Variants in OTUD4 observed in about 807,000 individuals in gnomAD.
OTUD4 encodes OTU domain-containing protein 4.
OTUD4 carries 24 observed loss-of-function variants against 130.4 expected under a neutral mutation model. The ratio of observed to expected loss-of-function variants is 0.18; its 90% confidence interval spans 0.13 to 0.26. The LOEUF (loss-of-function observed/expected upper bound fraction) is 0.26, where lower values mean the gene tolerates loss of function less well. OTUD4 is among the 10% of genes least tolerant of loss of function. The pLI is 1.00. For synonymous variants in OTUD4, 420 were observed against 472.5 expected (o/e 0.89, Z 1.44); for missense variants, 1,031 against 1,329.4 (o/e 0.78, Z 3.49).
intron 1 of OTUD4, chr4:145,179,560 G>A (rs1263617605): frequency 7.8e-7 from 1 of 1,283,360 alleles, no homozygotes; most frequent in Admixed American, 4.0e-5. Context: ...GGCCTCACAA[G>A]TTGTCCTCAA....
At chr4:145,170,214 A>T (rs1326392628) in intron 3 of OTUD4, among the ~76,000 whole-genome samples, 1 of 152,210 alleles carries the variant, frequency 6.6e-6, no homozygotes, top group Non-Finnish European at 1.5e-5. Flanking sequence ...TGATACAGAT[A>T]ACCTACAGAT....
rs1288489404 is a variant in OTUD4, at chr4:145,171,423, ATAC to A, written c.294+244_294+246del. ...CACCCCAGTATTATTTCAGATTTTT[ATAC>A]TACATTTACATGCCATTATAGCCAA... On this transcript the variant is annotated intron_variant, in intron 3 of 20. Coordinates refer to ENST00000447906, the MANE Select transcript of OTUD4 (RefSeq NM_001366057.1). The A allele has an allele frequency of 5.2e-5, 19 of 365,916 alleles. No homozygotes were observed. The East Asian group carries it at 7.6e-4, about 15-fold the overall frequency. The allele number at this position is 365,916 out of a possible 1,614,324, so 22.7% of individuals were successfully genotyped here.
rs1750602364 is a variant in OTUD4 at position 145,142,314 on chromosome 4, A to T, written c.1704T>A (p.Ser568=). ...PAEQKPAEHV[S]LSNPAPLLVS... The stretch of plus-strand genomic sequence containing the variant: ...CTAGAAGGGGAGCTGGATTTGACAA[A>T]GACACATGTTCTGCTGGCTTCTTCA... Residue 568 remains serine, a synonymous_variant, in exon 18 of 21, where the codon TCT becomes TCA. Transcript: ENST00000447906. The T allele has an allele frequency of 2.5e-6, 4 of 1,613,964 alleles. No individual in the cohort carries two copies. In the Middle Eastern group the frequency reaches 4.9e-4, roughly 199 times the overall value.
At position 145,159,708 on chromosome 4, in the gene OTUD4, C is replaced by T. The variant is rs1211107707; in HGVS notation, c.497-73G>A. ...TTTTAAAAACAGGAACAGACCATCACATTGTAACTTTCTATTGCTCAGGCT... is the reference window on the plus strand; with the variant it reads ...TTTTAAAAACAGGAACAGACCATCATATTGTAACTTTCTATTGCTCAGGCT... On this transcript the variant is annotated intron_variant, in intron 6 of 20. Transcript: ENST00000447906. The T allele has an allele frequency of 2.9e-6, 4 of 1,391,826 alleles. No individual in the cohort carries two copies. In the African/African-American group the frequency reaches 5.7e-5, roughly 20 times the overall value. The allele number at this position is 1,391,826 out of a possible 1,614,324, so 86.2% of individuals were successfully genotyped here.
chr4:145,155,288 T>C (rs1264853204), intron 10 of OTUD4, 123 bp downstream of exon 10: 2 of 751,436 alleles, frequency 2.7e-6, no homozygotes, highest in African/African-American at 1.8e-5. Flanking sequence ...TGTATATACA[T>C]GATAAATATA....
intron 11 of OTUD4, 112 bp downstream of exon 11, chr4:145,152,429 A>G: frequency 4.6e-6 from 3 of 651,608 alleles, no homozygotes; most frequent in South Asian, 2.0e-5. Flanking sequence ...CTTTCTATAC[A>G]TGGGCAATTA....
intron 14 of OTUD4, among the ~76,000 whole-genome samples, chr4:145,145,268 T>C (rs969504800): frequency 6.6e-6 from 1 of 152,204 alleles, no homozygotes; most frequent in Non-Finnish European, 1.5e-5. Context: ...ACATGAGAGA[T>C]AAATGTACTT....
At chr4:145,139,814 T>C (rs934637730) in intron 20 of OTUD4, 137 bp downstream of exon 20, 1 of 407,786 alleles carries the variant, frequency 2.5e-6, no homozygotes, top group African/African-American at 2.2e-5. Flanking sequence ...GATATAGTAC[T>C]GAAAATGCTG....
intron 2 of OTUD4, 98 bp from the exon 3 acceptor site, chr4:145,171,818 G>T: frequency 1.4e-6 from 1 of 708,486 alleles, no homozygotes; most frequent in South Asian, 1.6e-5. Context: ...TACTGAGTTT[G>T]TACATAAACC....
chr4:145,170,816 G>C (rs943526834), intron 3 of OTUD4: 8 of 152,036 alleles, frequency 5.3e-5, no homozygotes, highest in African/African-American at 1.9e-4. Context: ...CATTCTAAAT[G>C]GCATTCCAAG....
chr4:145,162,159 A>C (rs1579274554), intron 6 of OTUD4, among the ~76,000 whole-genome samples: 4 of 152,022 alleles, frequency 2.6e-5, no homozygotes, highest in Non-Finnish European at 5.9e-5. Context: ...TACTGCAACA[A>C]GTTTTTATTA....
chr4:145,152,779 C>T (rs1751124427), intron 10 of OTUD4, 144 bp from the exon 11 acceptor site: 2 of 581,470 alleles, frequency 3.4e-6, no homozygotes, highest in East Asian at 3.0e-5. Context: ...TGCAGAGGCA[C>T]AATCTTGGCT....
intron 10 of OTUD4, among the ~76,000 whole-genome samples, chr4:145,154,117 T>A (rs1050786321): frequency 6.6e-6 from 1 of 152,252 alleles, no homozygotes; most frequent in Non-Finnish European, 1.5e-5. Context: ...GTAACACGAC[T>A]TTAGTGATAC....
rs764837440 is a variant in OTUD4, at chr4:145,150,825, G to C, written c.1049C>G (p.Thr350Ser). The C allele has an allele frequency of 3.1e-6, 5 of 1,613,822 alleles. No homozygotes were observed. The East Asian group carries it at 1.1e-4, about 36-fold the overall frequency. ...ACCAGAATGGAAATTTTGTCCAGAA[G>C]TGGAAGGTTTTTTCATCTTCTTCCC... ...VSGKKMKKPS[T>S]SGQNFHSDVD... Residue 350 changes from threonine to serine, a missense_variant, in exon 12 of 21, where the codon ACT (threonine) becomes AGT (serine). Around this residue, in one of 3 missense-constraint regions of OTUD4, gnomAD observed 900 missense variants for 1,095.9 expected, o/e 0.82. Coordinates refer to ENST00000447906, the MANE Select transcript of OTUD4 (RefSeq NM_001366057.1).
At chr4:145,165,570 G>A (rs987278651) in intron 3 of OTUD4, among the ~76,000 whole-genome samples, 7 of 151,980 alleles carry the variant, frequency 4.6e-5, no homozygotes, top group East Asian at 2.0e-4. Context: ...CTCTGCCTCC[G>A]AGGTTCAAGC....
Position 145,137,818 on chromosome 4 carries a change from T to C in OTUD4, c.2957A>G (p.Gln986Arg). 6.2e-7 allele frequency: 1 copy of C among 1,614,162 alleles called. No homozygotes were observed. The highest frequency in any genetic ancestry group is 1.1e-5 in the South Asian group (1 of 91,084). ...PVELEPKRTI[Q>R]SLKEKTEKVK... ...TTTTTCTGTTTTTTCTTTCAGGCTT[T>C]GAATGGTCCTTTTAGGTTCAAGTTC... Residue 986 changes from glutamine (Q) to arginine (R), a missense_variant, in exon 21 of 21, where the codon CAA becomes CGA. This residue lies in a region of OTUD4 where 900 missense variants were observed against 1,095.9 expected (regional missense o/e 0.82). Transcript: ENST00000447906.
Position 145,156,001 on chromosome 4 carries a change from A to G in OTUD4, c.630-5T>C. 6.2e-7 allele frequency: 1 copy of G among 1,607,304 alleles called. No individual in the cohort carries two copies. The highest frequency in any genetic ancestry group is 8.5e-7 in the Non-Finnish European group (1 of 1,177,066). On this transcript the variant is annotated splice_region_variant and splice_polypyrimidine_tract_variant and intron_variant, in intron 7 of 20. Coordinates refer to ENST00000447906, the MANE Select transcript of OTUD4 (RefSeq NM_001366057.1). ...GCAGCAGCAGCAGTCTTACTCCTAC[A>G]AAGAAAGATAACCATAATTGGGGCA...
At chr4:145,179,562 TGTC>T in intron 1 of OTUD4, 4 of 1,289,220 alleles carry the variant, frequency 3.1e-6, no homozygotes, top group Non-Finnish European at 4.0e-6. Context: ...CCTCACAAGT[TGTC>T]CTCAACTCAT....
At chr4:145,157,107 A>G (rs956215129) in intron 7 of OTUD4, among the ~76,000 whole-genome samples, 3 of 152,228 alleles carry the variant, frequency 2.0e-5, no homozygotes, top group South Asian at 4.1e-4. Context: ...TAAGAGAACA[A>G]AAACTCCGCC....
Sources: gnomAD v4.1 joint callset for allele counts (sites outside exome capture counted in the v4.1 genomes callset) on GRCh38, gnomAD v4.1.1 for gene constraint, gnomAD v4.1.1 regional missense constraint, MANE v1.5 for transcripts, NCBI Gene and HGNC (gene_info 2026-07-23, HGNC 2026-07-21) for gene names.